MRPL15: variants seen among roughly 807,000 people sequenced by gnomAD.
MRPL15 encodes mitochondrial ribosomal protein L15, also known as large ribosomal subunit protein uL15m.
In MRPL15, 24 loss-of-function variants were observed where a neutral mutation model predicts 28.0. The observed-to-expected ratio is 0.86, with a 90% CI of 0.62 to 1.21. The LOEUF (loss-of-function observed/expected upper bound fraction) is 1.21, where lower values mean the gene tolerates loss of function less well. MRPL15 is among the 50% of genes most tolerant of loss of function. The probability of loss-of-function intolerance (pLI) is 0.00; values close to 1 mark genes in which losing one functional copy is unlikely to be tolerated. For synonymous variants in MRPL15, 124 were observed against 137.0 expected, an observed-to-expected ratio of 0.90 and a Z score of 0.66; for missense variants, 343 against 372.4, an observed-to-expected ratio of 0.92 and a Z score of 0.65.
chr8:54,136,693 A>G, intron 2 of MRPL15, 28 bp downstream of exon 2: 1 of 1,573,946 alleles, frequency 6.4e-7, no homozygotes, highest in Non-Finnish European at 8.6e-7. Context: ...TTTAAAGTAC[A>G]GGTCCCCAAT....
In MRPL15 at chr8:54,137,806, C is replaced by T. The variant is rs187254580; in HGVS notation, c.429+373C>T. On this transcript the variant is annotated intron_variant, in intron 3 of 4. Transcript: ENST00000260102. ...ATTTCCAGATAATCAGTACTCTACC[C>T]CCTTTATTTTTAGCCCATTTGTGTT... 1.5e-3 allele frequency among the ~76,000 whole-genome samples: 228 copies of T among 152,024 alleles called. 1 individual carries two copies. The highest frequency in any genetic ancestry group is 3.4e-3 in the Middle Eastern group (1 of 294).
chr8:54,136,564 A>C lies in MRPL15; in HGVS notation c.162A>C (p.Lys54Asn), dbSNP rs752812796. The C allele has an allele frequency of 5.0e-6, 8 of 1,614,238 alleles. 1 individual carries two copies. In the South Asian group the frequency reaches 8.8e-5, roughly 18 times the overall value. ...RRGRKCGRGH[K>N]GERQRGTRPR... Reference sequence around the variant, plus strand: ...GTAGAAAATGTGGCAGAGGCCATAAAGGAGAAAGGCAAAGAGGAACCCGGC... The same window carrying C: ...GTAGAAAATGTGGCAGAGGCCATAACGGAGAAAGGCAAAGAGGAACCCGGC... Residue 54 changes from lysine to asparagine, a missense_variant, in exon 2 of 5, where the codon AAA (lysine) becomes AAC (asparagine). Transcript: ENST00000260102.
At position 54,147,762 on chromosome 8, in the gene MRPL15, A is replaced by G. The variant is rs771736192; in HGVS notation, c.*43A>G. 2 of 1,489,756 alleles carry G rather than the reference A, an allele frequency of 1.3e-6. No homozygotes were observed. Among genetic ancestry groups the G allele is most frequent in the Non-Finnish European group, 1.8e-6 (2 of 1,101,482 alleles). 92.3% of individuals were successfully genotyped at this position (1,489,756 alleles called of 1,614,324 possible). On this transcript the variant is annotated 3_prime_UTR_variant, in exon 5 of 5. Coordinates refer to ENST00000260102, the MANE Select transcript of MRPL15 (RefSeq NM_014175.4). ...CAGAGTTGTTAAAGAGTACTGGAAT[A>G]GGGGCTGAAGGATCTATATTCCCTT... is the stretch of plus-strand genomic sequence containing the variant.
rs772360519 is a variant in MRPL15 at position 54,142,837 on chromosome 8, G to A, written c.553+51G>A. On this transcript the variant is annotated intron_variant, in intron 4 of 4. Coordinates refer to ENST00000260102, the MANE Select transcript of MRPL15 (RefSeq NM_014175.4). ...TTCTTTCTCTCTTTGTCTCATGTTG[G>A]CTACTAATTTTAAATTACTTAGTGA... 7 of 1,605,862 alleles carry A rather than the reference G, an allele frequency of 4.4e-6. No individual in the cohort carries two copies. In the Admixed American group the frequency reaches 6.9e-5, roughly 16 times the overall value.
At chr8:54,144,410 T>A (rs1811007768) in intron 4 of MRPL15, among the ~76,000 whole-genome samples, 1 of 152,192 alleles carries the variant, frequency 6.6e-6, no homozygotes, top group Admixed American at 6.5e-5. Flanking sequence ...ATTTGTGTCA[T>A]CTGTATGTAG....
At chr8:54,137,943 T>C (rs1158722952) in intron 3 of MRPL15, among the ~76,000 whole-genome samples, 1 of 152,114 alleles carries the variant, frequency 6.6e-6, no homozygotes, top group African/African-American at 2.4e-5. Context: ...TCTGTAAAGC[T>C]TGCCTTCTTT....
chr8:54,137,498 C>T (rs376936812), intron 3 of MRPL15, 65 bp downstream of exon 3: 1 of 1,492,700 alleles, frequency 6.7e-7, no homozygotes. Context: ...GAGTCTTGCC[C>T]TGTTGCCTGA....
At position 54,137,414 on chromosome 8, in the gene MRPL15, G is replaced by A; in HGVS notation, c.410G>A (p.Gly137Asp). 1.2e-6 allele frequency: 2 copies of A among 1,613,868 alleles called. No individual in the cohort carries two copies. Among genetic ancestry groups the A allele is most frequent in the Non-Finnish European group, 1.7e-6 (2 of 1,179,976 alleles). The change falls in exon 3 of 5, where the codon GGT becomes GAT. Residue 137 changes from glycine (G) to aspartate (D), a missense_variant. Physicochemically the swap from Gly to Asp is moderately conservative, Grantham distance 94. Transcript: ENST00000260102. ...ATCCAGCCACTTAAAAGGGATTATG[G>A]TGTCCAGCTGGTTGAGGAGGTAAGT... ...VTIQPLKRDY[G>D]VQLVEEGADT...
chr8:54,147,820 G>A lies in MRPL15; in HGVS notation c.*101G>A. 9.4e-7 allele frequency: 1 copy of A among 1,068,910 alleles called. No homozygotes were observed. Among genetic ancestry groups the A allele is most frequent in the Admixed American group, 2.8e-5 (1 of 35,218 alleles). The allele number at this position is 1,068,910 out of a possible 1,614,324, so 66.2% of individuals were successfully genotyped here. ...TTTCCTTATGTATAATTTTCCAGAT[G>A]GTGATGTTACTTTTCAGTGTACTCA... On this transcript the variant is annotated 3_prime_UTR_variant, in exon 5 of 5. Coordinates refer to ENST00000260102, the MANE Select transcript of MRPL15 (RefSeq NM_014175.4).
chr8:54,141,279 C>T (rs1036745258), intron 3 of MRPL15, among the ~76,000 whole-genome samples: 11 of 152,116 alleles, frequency 7.2e-5, no homozygotes, highest in East Asian at 3.8e-4. Flanking sequence ...TCGGTATTTC[C>T]GTCTATGAAA....
chr8:54,147,566 T>C lies in MRPL15; in HGVS notation c.738T>C (p.Asp246=), dbSNP rs1563722231. Residue 246 remains aspartate (D), a synonymous_variant, in exon 5 of 5, where the codon GAT becomes GAC. Transcript: ENST00000260102. ...LARKYGYILP[D]ITKDELFKML... ...GGAAGTATGGTTATATCTTACCTGA[T>C]ATCACTAAAGATGAACTCTTCAAAA... 6.2e-7 allele frequency: 1 copy of C among 1,614,178 alleles called. No homozygotes were observed. The highest frequency in any genetic ancestry group is 8.5e-7 in the Non-Finnish European group (1 of 1,180,044).
intron 4 of MRPL15, among the ~76,000 whole-genome samples, chr8:54,146,229 C>T (rs560069610): frequency 9.9e-5 from 15 of 152,254 alleles, no homozygotes; most frequent in African/African-American, 3.6e-4. Context: ...AGTGGATCAC[C>T]TGAGTTCAGG....
At chr8:54,144,627 G>A (rs766762088) in intron 4 of MRPL15, among the ~76,000 whole-genome samples, 1 of 151,918 alleles carries the variant, frequency 6.6e-6, no homozygotes, top group Non-Finnish European at 1.5e-5. Flanking sequence ...AAAAATTAGC[G>A]GGGTGTGGTG....
intron 4 of MRPL15, among the ~76,000 whole-genome samples, chr8:54,146,612 T>G (rs1811049665): frequency 6.6e-6 from 1 of 152,246 alleles, no homozygotes; most frequent in Non-Finnish European, 1.5e-5. Context: ...ACTATTATTT[T>G]GAGGTTCTCA....
chr8:54,139,501 CCT>C (rs1810883879), intron 3 of MRPL15, among the ~76,000 whole-genome samples: 1 of 151,998 alleles, frequency 6.6e-6, no homozygotes, highest in Non-Finnish European at 1.5e-5. Flanking sequence ...AGTATTCTAC[CCT>C]GAGTGTATAT....
rs112458576 is a variant in MRPL15 at position 54,142,482 on chromosome 8, G to A, written c.430-181G>A. Among the ~76,000 whole-genome samples the A allele has an allele frequency of 2.4e-4, 36 of 152,096 alleles. No individual in the cohort carries two copies. Among genetic ancestry groups the A allele is most frequent in the African/African-American group, 7.2e-4 (30 of 41,494 alleles). On this transcript the variant is annotated intron_variant, in intron 3 of 4. Transcript: ENST00000260102. ...TATTTTTTATTATTACTTTTTTTCCGAAAATTATCCATTCAAGTTGGTTGA... is the reference window on the plus strand; with the variant it reads ...TATTTTTTATTATTACTTTTTTTCCAAAAATTATCCATTCAAGTTGGTTGA...
chr8:54,140,539 G>C (rs892375525), intron 3 of MRPL15, among the ~76,000 whole-genome samples: 10 of 145,688 alleles, frequency 6.9e-5, no homozygotes, highest in Non-Finnish European at 1.4e-4. Context: ...CTAGGATTGA[G>C]TCACCGCACC....
At chr8:54,140,861 C>T (rs1451938409) in intron 3 of MRPL15, among the ~76,000 whole-genome samples, 2 of 149,254 alleles carry the variant, frequency 1.3e-5, no homozygotes, top group South Asian at 2.2e-4. Context: ...GGATTACAGG[C>T]GTGAGCCACT....
chr8:54,135,446 G>T, intron 1 of MRPL15, 55 bp downstream of exon 1: 8 of 1,440,802 alleles, frequency 5.6e-6, no homozygotes, highest in Non-Finnish European at 6.5e-6. Context: ...GATGAAAGCG[G>T]CCCTTCTCTC....
Sources: gnomAD v4.1 joint callset for allele counts (sites outside exome capture counted in the v4.1 genomes callset) on GRCh38, gnomAD v4.1.1 for gene constraint, MANE v1.5 for transcripts, NCBI Gene and HGNC (gene_info 2026-07-23, HGNC 2026-07-21) for gene names.